PIEZO2: variants seen among roughly 807,000 people sequenced by gnomAD.
PIEZO2 encodes the protein piezo-type mechanosensitive ion channel component 2.
Under a neutral mutation model 337.3 loss-of-function variants are expected in PIEZO2, and 172 were observed. That is an observed-to-expected ratio of 0.51 (90% CI 0.45 to 0.58). The LOEUF (loss-of-function observed/expected upper bound fraction) is 0.58. Among genes scored for constraint, PIEZO2 ranks in the 20% least tolerant of loss-of-function variants. PIEZO2 has a pLI of 0.00. For synonymous variants in PIEZO2, 1,251 were observed against 1,228.5 expected (o/e 1.02, Z -0.38); for missense variants, 3,028 against 3,391.3 (o/e 0.89, Z 2.66).
chr18:11,060,240 T>C (rs2037893072), intron 2 of PIEZO2, among the ~76,000 whole-genome samples: 1 of 152,132 alleles, frequency 6.6e-6, no homozygotes, highest in Non-Finnish European at 1.5e-5. Flanking sequence ...CCAGAATCTC[T>C]GGGACACATC....
At chr18:10,683,112 G>A (rs1018670188) in intron 49 of PIEZO2, among the ~76,000 whole-genome samples, 2 of 152,228 alleles carry the variant, frequency 1.3e-5, no homozygotes, top group Non-Finnish European at 2.9e-5. Flanking sequence ...CTCAGGCCAA[G>A]CTACATGCAG....
At chr18:10,974,818 G>A (rs1465944181) in intron 3 of PIEZO2, among the ~76,000 whole-genome samples, 4 of 152,244 alleles carry the variant, frequency 2.6e-5, no homozygotes, top group Non-Finnish European at 5.9e-5. Context: ...AGCCCTCCGT[G>A]GCAAGGTTTG....
chr18:10,884,380 G>A (rs191728538), intron 4 of PIEZO2, among the ~76,000 whole-genome samples: 1 of 152,162 alleles, frequency 6.6e-6, no homozygotes, highest in Non-Finnish European at 1.5e-5. Context: ...CTTACTTTCT[G>A]TGTGTTTGCT....
intron 27 of PIEZO2, among the ~76,000 whole-genome samples, chr18:10,754,612 T>C (rs2037765894): frequency 6.6e-6 from 1 of 152,236 alleles, no homozygotes; most frequent in South Asian, 2.1e-4. Flanking sequence ...CCCTTTGCAA[T>C]AGTAAATATT....
At chr18:10,719,671 G>C (rs944653130) in intron 36 of PIEZO2, among the ~76,000 whole-genome samples, 1 of 152,108 alleles carries the variant, frequency 6.6e-6, no homozygotes, top group Non-Finnish European at 1.5e-5. Flanking sequence ...GTGAGTGCAG[G>C]TACCTTTTTA....
Position 10,795,400 on chromosome 18 carries a change from T to A in PIEZO2, c.1528-398A>T, listed in dbSNP as rs534788877. Reference sequence around the variant, plus strand: ...TTTTATTTTATTTTATTTTATTTTATTTTATTTTATTCAGCTCTATTGCTT... The same window carrying A: ...TTTTATTTTATTTTATTTTATTTTAATTTATTTTATTCAGCTCTATTGCTT... On this transcript the variant is annotated intron_variant, in intron 12 of 55. Coordinates refer to ENST00000674853, the MANE Select transcript of PIEZO2 (RefSeq NM_001378183.1). The surrounding 1 kb of genome is among the most constrained non-coding windows in gnomAD (Gnocchi z 4.4). Among the ~76,000 whole-genome samples the A allele has an allele frequency of 9.1e-6, 1 of 110,108 alleles. No homozygotes were observed. The highest frequency in any genetic ancestry group is 4.3e-5 in the African/African-American group (1 of 23,126). 72.2% of individuals were successfully genotyped at this position (110,108 alleles called of 152,430 possible).
intron 1 of PIEZO2, among the ~76,000 whole-genome samples, chr18:11,075,745 C>T (rs1222428018): frequency 6.6e-6 from 1 of 151,834 alleles, no homozygotes. Context: ...CCAAAACGTG[C>T]TCACATATGT....
chr18:10,865,831 T>A, intron 5 of PIEZO2, among the ~76,000 whole-genome samples: 1 of 152,082 alleles, frequency 6.6e-6, no homozygotes, highest in Non-Finnish European at 1.5e-5. Context: ...GGGACTCTGG[T>A]TCCTTTCATC....
rs536035617 is a variant in PIEZO2, at chr18:10,854,146, T to C, written c.917+1207A>G. Among the ~76,000 whole-genome samples, 18 of 152,326 alleles carry C rather than the reference T, an allele frequency of 1.2e-4. No individual in the cohort carries two copies. In the East Asian group the frequency reaches 2.9e-3, roughly 24 times the overall value. ...CTTTTGATTGTTTTTCTTGTGGAGC[T>C]ATTTAAACTGTTTCCTAGCCTTTAT... is the stretch of plus-strand genomic sequence containing the variant. On this transcript the variant is annotated intron_variant, in intron 7 of 55. Coordinates refer to ENST00000674853, the MANE Select transcript of PIEZO2 (RefSeq NM_001378183.1). The surrounding 1 kb of genome is among the most constrained non-coding windows in gnomAD (Gnocchi z 4.6).
At chr18:10,999,504 C>G (rs1035628388) in intron 2 of PIEZO2, among the ~76,000 whole-genome samples, 1 of 152,100 alleles carries the variant, frequency 6.6e-6, no homozygotes, top group African/African-American at 2.4e-5. Flanking sequence ...GTATGACAAC[C>G]ATTTGCATTG....
chr18:10,681,365 T>C (rs1166716950), intron 51 of PIEZO2, among the ~76,000 whole-genome samples: 1 of 152,220 alleles, frequency 6.6e-6, no homozygotes, highest in African/African-American at 2.4e-5. Flanking sequence ...TTAGGACAGA[T>C]TCCCAGAGTA....
chr18:11,133,141 T>C (rs539904367), intron 1 of PIEZO2, among the ~76,000 whole-genome samples: 1 of 152,316 alleles, frequency 6.6e-6, no homozygotes, highest in East Asian at 1.9e-4. Context: ...GCTAAAAACA[T>C]GTTTGTGCAT....
At chr18:10,968,514 T>C (rs1355471798) in intron 3 of PIEZO2, among the ~76,000 whole-genome samples, 1 of 152,144 alleles carries the variant, frequency 6.6e-6, no homozygotes, top group Non-Finnish European at 1.5e-5. Context: ...TGGGAAGTGC[T>C]AGACTTCAGC....
chr18:10,702,215 G>A (rs997510462), intron 42 of PIEZO2, 44 bp from the exon 43 acceptor site: 2 of 1,501,010 alleles, frequency 1.3e-6, no homozygotes, highest in Admixed American at 2.1e-5. Flanking sequence ...CTCCTTTTAG[G>A]AATAGATATA....
At chr18:11,039,924 C>T (rs934627956) in intron 2 of PIEZO2, among the ~76,000 whole-genome samples, 9 of 152,136 alleles carry the variant, frequency 5.9e-5, no homozygotes, top group African/African-American at 2.2e-4. Flanking sequence ...CCTCTCCAAC[C>T]CTCCCCACCC....
At chr18:10,755,301 C>T (rs10459992) in intron 27 of PIEZO2, among the ~76,000 whole-genome samples, 31,706 of 152,088 alleles carry the variant, frequency 0.21, 3,903 homozygotes, top group South Asian at 0.28. Flanking sequence ...GGCATGTGTG[C>T]TGTGACTGCA....
intron 3 of PIEZO2, among the ~76,000 whole-genome samples, chr18:10,961,234 A>G (rs983436873): frequency 3.9e-5 from 6 of 152,184 alleles, no homozygotes; most frequent in African/African-American, 1.4e-4. Flanking sequence ...CTACTCAGCC[A>G]TAAAAAGTAA....
chr18:10,792,926 T>A lies in PIEZO2; in HGVS notation c.1759-1602A>T, dbSNP rs1598486806. Among the ~76,000 whole-genome samples the A allele has an allele frequency of 4.6e-5, 7 of 152,342 alleles. 1 individual carries two copies. The highest frequency in any genetic ancestry group is 4.6e-4 in the Admixed American group (7 of 15,306). Reference sequence around the variant, plus strand: ...TGACCATTTCAACTTCTCCATGTCCTCAGTAGCACTGGTTATTATCTGCCT... The same window carrying A: ...TGACCATTTCAACTTCTCCATGTCCACAGTAGCACTGGTTATTATCTGCCT... On this transcript the variant is annotated intron_variant, in intron 13 of 55. Coordinates refer to ENST00000674853, the MANE Select transcript of PIEZO2 (RefSeq NM_001378183.1).
chr18:10,761,058 A>G lies in PIEZO2; in HGVS notation c.3303T>C (p.His1101=). The change falls in exon 24 of 56, where the codon CAT becomes CAC. Residue 1101 remains histidine (H), a synonymous_variant. Transcript: ENST00000674853. ...TATTTCGACCTCGATAGTATTCCTGATGGCGGTAAATGGTGACTTCAAAGG... is the reference window on the plus strand; with the variant it reads ...TATTTCGACCTCGATAGTATTCCTGGTGGCGGTAAATGGTGACTTCAAAGG... ...ILAFEVTIYR[H]QEYYRGRNNL... 2.0e-6 allele frequency: 3 copies of G among 1,537,264 alleles called. No homozygotes were observed. The highest frequency in any genetic ancestry group is 2.6e-6 in the Non-Finnish European group (3 of 1,146,886).
Sources: gnomAD v4.1 joint callset for allele counts (sites outside exome capture counted in the v4.1 genomes callset) on GRCh38, gnomAD v4.1.1 for gene constraint, Gnocchi (gnomAD v3.1) non-coding constraint, MANE v1.5 for transcripts, NCBI Gene and HGNC (gene_info 2026-07-23, HGNC 2026-07-21) for gene names.